The following NT5DC4 variants were observed in gnomAD, a reference collection of about 807,000 sequenced individuals.
The protein encoded by NT5DC4 is 5'-nucleotidase domain-containing protein 4.
NT5DC4 carries 44 observed loss-of-function variants against 26.6 expected under a neutral mutation model. That is an observed-to-expected ratio of 1.65 (90% CI 1.30 to 2.13). The LOEUF is 2.13. Among genes scored for constraint, NT5DC4 ranks in the 30% most tolerant of loss-of-function variants. The pLI is 0.00. For synonymous variants in NT5DC4, 157 were observed against 86.7 expected, an observed-to-expected ratio of 1.81 and a Z score of -4.51; for missense variants, 399 against 228.1, an observed-to-expected ratio of 1.75 and a Z score of -4.83.
rs1191212460 is a variant in NT5DC4, at chr2:112,723,715, C to A, written c.673-4C>A. 10 of 716,902 alleles carry A rather than the reference C, an allele frequency of 1.4e-5. No homozygotes were observed. The highest frequency in any genetic ancestry group is 1.3e-5 in the Non-Finnish European group (5 of 384,950). The allele number at this position is 716,902 out of a possible 1,614,324, so 44.4% of individuals were successfully genotyped here. On this transcript the variant is annotated splice_polypyrimidine_tract_variant and splice_region_variant and intron_variant, in intron 8 of 16. Coordinates refer to ENST00000688554, the MANE Select transcript of NT5DC4 (RefSeq NM_001393655.1). Reference sequence around the variant, plus strand: ...CCCTGCAAGTCCCTCTATCTCTGCCCCAGCCACGCCTCCCCATCCTGCTGG... The same window carrying A: ...CCCTGCAAGTCCCTCTATCTCTGCCACAGCCACGCCTCCCCATCCTGCTGG...
In NT5DC4 at chr2:112,724,865, T is replaced by C. The variant is rs2104736048; in HGVS notation, c.874T>C (p.Leu292=). ...TQKPHFFAEG[L]VLRQVNTVMA... ...GAAGCCCCACTTCTTTGCAGAGGGG[T>C]TGGTCCTGAGGCAGGTCAACACGGT... The change falls in exon 11 of 17, where the codon TTG becomes CTG. Residue 292 remains leucine, a synonymous_variant. Transcript: ENST00000688554. The C allele has an allele frequency of 2.8e-6, 2 of 716,994 alleles. No homozygotes were observed. Among genetic ancestry groups the C allele is most frequent in the East Asian group, 5.4e-5 (2 of 37,266 alleles). The allele number at this position is 716,994 out of a possible 1,614,324, so 44.4% of individuals were successfully genotyped here. A position where few individuals can be genotyped will look rare whatever the true frequency, so the allele number is the denominator to read the frequency against.
At chr2:112,724,382 GGT>G in intron 10 of NT5DC4, 1 of 592,202 alleles carries the variant, frequency 1.7e-6, no homozygotes, top group South Asian at 2.0e-5. Flanking sequence ...GCAGAAAGTG[GGT>G]GAGACGAGGG....
In NT5DC4 at chr2:112,722,559, T is replaced by C. The variant is rs1164867923; in HGVS notation, c.439T>C (p.Tyr147His). ...FIQRDDLQCF[Y>H]ILNMLFNLPE... The stretch of plus-strand genomic sequence containing the variant: ...TCAGAGGGACGACCTGCAGTGTTTC[T>C]ACATACTCAACATGCTCTTCAACCT... The change falls in exon 5 of 17, where the codon TAC becomes CAC. Residue 147 changes from tyrosine (Y) to histidine (H), a missense_variant. Transcript: ENST00000688554. 1.1e-5 allele frequency: 8 copies of C among 717,324 alleles called. No homozygotes were observed. Among genetic ancestry groups the C allele is most frequent in the Non-Finnish European group, 1.8e-5 (7 of 385,100 alleles). The allele number at this position is 717,324 out of a possible 1,614,324, so 44.4% of individuals were successfully genotyped here.
chr2:112,729,401 C>T (rs567856453), intron 15 of NT5DC4, among the ~76,000 whole-genome samples: 3 of 152,320 alleles, frequency 2.0e-5, no homozygotes, highest in Admixed American at 6.5e-5. Flanking sequence ...GGATTACAGG[C>T]GTGAGCCACC....
chr2:112,723,388 C>CACACACAT lies in NT5DC4; in HGVS notation c.622-23_622-22insTACACACA. ...ACACACACACACACACACACACACACACACACAGGCACTTTGCTCCCTCCT... is the reference window on the plus strand; with the variant it reads ...ACACACACACACACACACACACACACACACACATACACACAGGCACTTTGCTCCCTCCT... On this transcript the variant is annotated intron_variant, in intron 7 of 16. Coordinates refer to ENST00000688554, the MANE Select transcript of NT5DC4 (RefSeq NM_001393655.1). The CACACACAT allele has an allele frequency of 9.8e-6, 7 of 716,128 alleles. No homozygotes were observed. The South Asian group carries it at 1.0e-4, about 11-fold the overall frequency. 44.4% of individuals were successfully genotyped at this position (716,128 alleles called of 1,614,324 possible).
intron 4 of NT5DC4, 55 bp downstream of exon 4, chr2:112,722,333 C>T: frequency 1.4e-6 from 1 of 715,776 alleles, no homozygotes; most frequent in South Asian, 1.5e-5. Flanking sequence ...GACTGCTCAC[C>T]TTGGGGGAGG....
At chr2:112,726,977 C>T in intron 15 of NT5DC4, 2 of 565,424 alleles carry the variant, frequency 3.5e-6, no homozygotes, top group Non-Finnish European at 6.4e-6. Context: ...GCTTTGCCTC[C>T]AGTCCCACAG....
downstream of NT5DC4, chr2:112,742,307 C>T (rs977823711): frequency 1.7e-5 from 12 of 702,188 alleles, no homozygotes; most frequent in Non-Finnish European, 2.9e-5. Flanking sequence ...TGAAGAGATT[C>T]CTGAGATAGC....
downstream of NT5DC4, among the ~76,000 whole-genome samples, chr2:112,742,198 A>C (rs1680018998): frequency 6.6e-6 from 1 of 152,228 alleles, no homozygotes; most frequent in African/African-American, 2.4e-5. Context: ...TATAACAAGT[A>C]TCGTAAGCAA....
chr2:112,728,289 CA>C (rs1678019091), intron 15 of NT5DC4, among the ~76,000 whole-genome samples: 1 of 152,224 alleles, frequency 6.6e-6, no homozygotes, highest in Non-Finnish European at 1.5e-5. Flanking sequence ...GAGGAAGGCA[CA>C]GTCCTCCTAC....
chr2:112,742,330 G>C (rs181683209), downstream of NT5DC4: 3 of 713,068 alleles, frequency 4.2e-6, no homozygotes, highest in Non-Finnish European at 7.8e-6. Flanking sequence ...TTTTTAAAGC[G>C]TAACACAAAT....
At chr2:112,725,634 G>A (rs577781130) in intron 13 of NT5DC4, 82 bp downstream of exon 13, 108 of 589,682 alleles carry the variant, frequency 1.8e-4, no homozygotes, top group Admixed American at 1.5e-3. Context: ...CCTTTTTCCC[G>A]TGGGGGGTTA....
At position 112,739,033 on chromosome 2, in the gene NT5DC4, CG is replaced by C; in HGVS notation, c.*99del. ...TGATAAATTTCATGTCTTGCACTTCCGGCATCCCATTTATTCTGAGAGACAG... is the reference window on the plus strand; with the variant it reads ...TGATAAATTTCATGTCTTGCACTTCCGCATCCCATTTATTCTGAGAGACAG... On this transcript the variant is annotated 3_prime_UTR_variant, in exon 17 of 17. Transcript: ENST00000688554. 1 of 1,613,832 alleles carries C rather than the reference CG, an allele frequency of 6.2e-7. No individual in the cohort carries two copies. The highest frequency in any genetic ancestry group is 8.5e-7 in the Non-Finnish European group (1 of 1,179,808).
At chr2:112,726,387 T>C (rs1677718310) in intron 14 of NT5DC4, 98 bp downstream of exon 14, 4 of 703,154 alleles carry the variant, frequency 5.7e-6, no homozygotes, top group Middle Eastern at 5.1e-4. Flanking sequence ...CCGGCCAAGG[T>C]TGTCAGAACA....
downstream of NT5DC4, among the ~76,000 whole-genome samples, chr2:112,741,460 C>T (rs1385880434): frequency 6.6e-6 from 1 of 152,190 alleles, no homozygotes; most frequent in African/African-American, 2.4e-5. Flanking sequence ...TGGGCAAAAA[C>T]TGTCTTGCAT....
chr2:112,721,216 G>A (rs1217865328), intron 1 of NT5DC4, among the ~76,000 whole-genome samples, 63 bp downstream of exon 1: 1 of 152,218 alleles, frequency 6.6e-6, no homozygotes, highest in African/African-American at 2.4e-5. Flanking sequence ...ACACGCCACA[G>A]CAGCACACAG....
At chr2:112,730,297 G>GTT (rs1474330392) in intron 16 of NT5DC4, among the ~76,000 whole-genome samples, 11 of 101,878 alleles carry the variant, frequency 1.1e-4, no homozygotes, top group African/African-American at 4.2e-4. Context: ...TGGGCAACAG[G>GTT]GAAAGACTGT....
intron 16 of NT5DC4, among the ~76,000 whole-genome samples, chr2:112,733,251 G>GT (rs11309353): frequency 1.1e-4 from 16 of 147,822 alleles, no homozygotes; most frequent in African/African-American, 2.8e-4. Flanking sequence ...TATTTGGGTA[G>GT]TTTTTTTTTT....
downstream of NT5DC4, chr2:112,740,823 G>T: frequency 5.0e-6 from 8 of 1,608,384 alleles, no homozygotes; most frequent in Non-Finnish European, 6.8e-6. Context: ...CTTACCTAGG[G>T]ATTGGACCAA....
Sources: gnomAD v4.1 joint callset for allele counts (sites outside exome capture counted in the v4.1 genomes callset) on GRCh38, gnomAD v4.1.1 for gene constraint, MANE v1.5 for transcripts, NCBI Gene and HGNC (gene_info 2026-07-23, HGNC 2026-07-21) for gene names.